The following C12orf42 variants were observed in gnomAD, a reference collection of about 807,000 sequenced individuals.
C12orf42 encodes the protein uncharacterized protein C12orf42.
A neutral mutation model predicts 21.6 loss-of-function variants in C12orf42; 25 were observed. That is an observed-to-expected ratio of 1.16 (90% CI 0.84 to 1.62). The LOEUF is 1.62. Ranked by LOEUF, C12orf42 falls within the 40% of genes most tolerant of loss-of-function variation. C12orf42 has a pLI of 0.00. For missense variants in C12orf42, 483 were observed against 459.3 expected (o/e 1.05, Z -0.47); for synonymous variants, 174 against 175.0 (o/e 0.99, Z 0.05).
At chr12:103,529,692 G>A in the C12orf42 span, among the ~76,000 whole-genome samples, 4 of 152,310 alleles carry the variant, frequency 2.6e-5, no homozygotes, top group African/African-American at 9.6e-5. Context: ...AAACCTGGCA[G>A]CTGTGATAAA....
chr12:103,240,470 C>T lies in C12orf42; in HGVS notation c.*1367-2568G>A, dbSNP rs193108183. Among the ~76,000 whole-genome samples, 301 of 152,328 alleles carry T rather than the reference C, an allele frequency of 2.0e-3. 1 individual carries two copies. The highest frequency in any genetic ancestry group is 7.1e-3 in the African/African-American group (296 of 41,580). ...CCAGACCATCTGGTTTCAGAGTTCT[C>T]ACAGCCTACCTACAACCTCCACAGC... On this transcript the variant is annotated intron_variant and NMD_transcript_variant, in intron 10 of 10. Transcript: ENST00000547347.
the C12orf42 span, among the ~76,000 whole-genome samples, chr12:103,111,898 T>C: frequency 2.6e-5 from 4 of 152,218 alleles, no homozygotes; most frequent in Non-Finnish European, 5.9e-5. Context: ...GGTAATCTTG[T>C]AGAGTCAGAA....
At chr12:103,197,466 T>C in the C12orf42 span, among the ~76,000 whole-genome samples, 1 of 152,224 alleles carries the variant, frequency 6.6e-6, no homozygotes, top group Non-Finnish European at 1.5e-5. Flanking sequence ...TTGTATTGTT[T>C]TAATACATTC....
At chr12:103,062,805 A>C in the C12orf42 span, among the ~76,000 whole-genome samples, 1 of 151,448 alleles carries the variant, frequency 6.6e-6, no homozygotes, top group Admixed American at 6.6e-5. Flanking sequence ...TTTTTTTTTT[A>C]CATTTCTAAT....
At chr12:103,239,773 T>A (rs1017425915) in intron 10 of C12orf42, among the ~76,000 whole-genome samples, 1 of 152,170 alleles carries the variant, frequency 6.6e-6, no homozygotes, top group African/African-American at 2.4e-5. Flanking sequence ...AGTACTCTTT[T>A]AAACCATGTT....
At chr12:103,067,283 A>C in the C12orf42 span, among the ~76,000 whole-genome samples, 1 of 152,180 alleles carries the variant, frequency 6.6e-6, no homozygotes. Flanking sequence ...ATCCACTGTC[A>C]TGGTATTCCA....
chr12:103,212,467 G>A, the C12orf42 span, among the ~76,000 whole-genome samples: 21 of 152,092 alleles, frequency 1.4e-4, no homozygotes, highest in Non-Finnish European at 2.2e-4. Flanking sequence ...ACATCTCTCT[G>A]GTGGTGTTGA....
At chr12:103,093,036 T>C in the C12orf42 span, among the ~76,000 whole-genome samples, 1 of 152,232 alleles carries the variant, frequency 6.6e-6, no homozygotes, top group Non-Finnish European at 1.5e-5. Context: ...GGACTCTGTT[T>C]CCTGCATCCC....
chr12:103,563,436 T>A, the C12orf42 span, among the ~76,000 whole-genome samples: 20 of 152,244 alleles, frequency 1.3e-4, no homozygotes, highest in African/African-American at 4.6e-4. Flanking sequence ...TCCCTGATTT[T>A]ATGTATCAGT....
chr12:103,098,342 A>C, the C12orf42 span, among the ~76,000 whole-genome samples: 2 of 152,160 alleles, frequency 1.3e-5, no homozygotes, highest in Admixed American at 6.5e-5. Context: ...ATTAAGACTT[A>C]CCTCATAAAA....
intron 2 of C12orf42, among the ~76,000 whole-genome samples, chr12:103,468,905 T>C (rs1357230191): frequency 1.3e-5 from 2 of 152,200 alleles, no homozygotes; most frequent in East Asian, 3.8e-4. Flanking sequence ...AATTTGTTAA[T>C]GTTCTTGCAA....
the C12orf42 span, among the ~76,000 whole-genome samples, chr12:103,080,735 A>T: frequency 2.2e-4 from 34 of 152,260 alleles, no homozygotes; most frequent in African/African-American, 8.2e-4. Context: ...ATTTATCTCC[A>T]TGTTTCTAAT....
Position 103,302,683 on chromosome 12 carries a change from A to AG in C12orf42, c.632-125_632-124insC, listed in dbSNP as rs1457241028. 58 of 718,134 alleles carry AG rather than the reference A, an allele frequency of 8.1e-5. No individual in the cohort carries two copies. The African/African-American group carries it at 9.6e-4, about 12-fold the overall frequency. 44.5% of individuals were successfully genotyped at this position (718,134 alleles called of 1,614,324 possible). A position where few individuals can be genotyped will look rare whatever the true frequency, so the allele number is the denominator to read the frequency against. On this transcript the variant is annotated intron_variant, in intron 5 of 5. Transcript: ENST00000548883. ...TGTAATGTGCTCAGAGGGGAAAGAAAAAAAAAAAAAAACCCTGACATGATC... is the reference window on the plus strand; with the variant it reads ...TGTAATGTGCTCAGAGGGGAAAGAAAGAAAAAAAAAAAACCCTGACATGATC...
At chr12:103,303,949 ATT>A in intron 5 of C12orf42, among the ~76,000 whole-genome samples, 1 of 152,226 alleles carries the variant, frequency 6.6e-6, no homozygotes. Flanking sequence ...TCCAGAGAAC[ATT>A]GATGTAGCTT....
intron 4 of C12orf42, among the ~76,000 whole-genome samples, chr12:103,355,512 C>T (rs1833521047): frequency 6.6e-6 from 1 of 152,090 alleles, no homozygotes; most frequent in African/African-American, 2.4e-5. Context: ...TCCAGGTTCT[C>T]ATCAGTTGAC....
the C12orf42 span, among the ~76,000 whole-genome samples, chr12:103,189,444 A>G: frequency 3.0e-4 from 45 of 152,332 alleles, no homozygotes; most frequent in African/African-American, 7.7e-4. Context: ...ATGCATGTAA[A>G]TACCTTCACA....
At chr12:103,076,441 C>A in the C12orf42 span, among the ~76,000 whole-genome samples, 1 of 152,136 alleles carries the variant, frequency 6.6e-6, no homozygotes. Context: ...ACCCATTGTG[C>A]ACCTATAGGT....
At chr12:103,452,170 G>A (rs1252453838) in intron 2 of C12orf42, among the ~76,000 whole-genome samples, 1 of 151,810 alleles carries the variant, frequency 6.6e-6, no homozygotes, top group Admixed American at 6.6e-5. Context: ...CAGTTGTTTG[G>A]CTATGGGCTG....
At chr12:103,290,940 G>A (rs911796087) in intron 4 of C12orf42, among the ~76,000 whole-genome samples, 5 of 152,030 alleles carry the variant, frequency 3.3e-5, no homozygotes, top group African/African-American at 7.3e-5. Flanking sequence ...TACACTACTC[G>A]GGTGATGGAT....
Sources: allele counts gnomAD v4.1 joint callset (sites outside exome capture counted in the v4.1 genomes callset), GRCh38; gene constraint gnomAD v4.1.1; transcripts MANE v1.5; gene names NCBI Gene and HGNC (gene_info 2026-07-23, HGNC 2026-07-21).